RBFOX1: variants seen among roughly 807,000 people sequenced by gnomAD.
RBFOX1 encodes the protein RNA binding protein fox-1 homolog 1.
In RBFOX1, 8 loss-of-function variants were observed where a neutral mutation model predicts 57.7. The observed-to-expected ratio is 0.14, with a 90% CI of 0.08 to 0.25. The LOEUF is 0.25. RBFOX1 is among the 10% of genes least tolerant of loss of function. The pLI, the probability that RBFOX1 is intolerant of heterozygous loss-of-function variation, is 1.00. For missense variants in RBFOX1, 611 were observed against 548.5 expected (o/e 1.11, Z -1.14); for synonymous variants, 326 against 222.4 (o/e 1.47, Z -4.15).
At chr16:6,125,162 C>A (rs963456120) in intron 1 of RBFOX1, among the ~76,000 whole-genome samples, 5 of 152,152 alleles carry the variant, frequency 3.3e-5, no homozygotes, top group African/African-American at 1.2e-4. Flanking sequence ...TTGTGCAGCT[C>A]CCTGTGCATG....
At chr16:7,565,086 C>A (rs935641575) in intron 5 of RBFOX1, among the ~76,000 whole-genome samples, 1 of 152,060 alleles carries the variant, frequency 6.6e-6, no homozygotes, top group East Asian at 1.9e-4. Context: ...CTGCACGAGC[C>A]CCGTTTTGAA....
chr16:7,649,364 C>A (rs1276422693), intron 11 of RBFOX1, among the ~76,000 whole-genome samples: 3 of 152,158 alleles, frequency 2.0e-5, no homozygotes. Flanking sequence ...ATTGGGATAT[C>A]AGGACACTCC....
chr16:6,959,499 T>TTTA (rs1383384926), intron 3 of RBFOX1, among the ~76,000 whole-genome samples: 1 of 150,836 alleles, frequency 6.6e-6, no homozygotes, highest in African/African-American at 2.5e-5. Flanking sequence ...TCTTTTTTTA[T>TTTA]TTTTTATTTT....
At chr16:6,876,376 A>G (rs942620997) in intron 3 of RBFOX1, among the ~76,000 whole-genome samples, 2 of 152,034 alleles carry the variant, frequency 1.3e-5, no homozygotes, top group Admixed American at 6.6e-5. Context: ...AATACCATCC[A>G]ACCCCTGAAA....
intron 1 of RBFOX1, among the ~76,000 whole-genome samples, chr16:5,415,483 G>A (rs1216096909): frequency 6.6e-6 from 1 of 152,138 alleles, no homozygotes; most frequent in Non-Finnish European, 1.5e-5. Flanking sequence ...CGGTGATGGA[G>A]CCTTAGACCT....
intron 4 of RBFOX1, among the ~76,000 whole-genome samples, chr16:7,065,760 CCTGT>C (rs1056553839): frequency 4.9e-4 from 75 of 152,250 alleles, no homozygotes; most frequent in African/African-American, 1.7e-3. Context: ...ACTCATTCCT[CCTGT>C]CTAAGTGAAA....
At chr16:6,966,854 T>C (rs763857760) in intron 3 of RBFOX1, among the ~76,000 whole-genome samples, 3 of 151,800 alleles carry the variant, frequency 2.0e-5, no homozygotes, top group Non-Finnish European at 4.4e-5. Flanking sequence ...CATCCATCTA[T>C]CCACACATCC....
rs752616 is a variant in RBFOX1, at chr16:7,109,789, C to T, written c.27+57691C>T. On this transcript the variant is annotated intron_variant, in intron 4 of 15. Coordinates refer to ENST00000550418, the MANE Select transcript of RBFOX1 (RefSeq NM_018723.4). ...TTGAGCAATTTCATTCACTCGTTTG[C>T]TGAACAAACCTGAATTGACACCTTC... Among the ~76,000 whole-genome samples, 1,507 of 152,196 alleles carry T rather than the reference C, an allele frequency of 9.9e-3. 28 individuals carry two copies. Among genetic ancestry groups the T allele is most frequent in the African/African-American group, 0.034 (1,423 of 41,526 alleles).
chr16:6,949,954 TG>T (rs373081080), intron 3 of RBFOX1, among the ~76,000 whole-genome samples: 21,339 of 150,288 alleles, frequency 0.14, 1,858 homozygotes, highest in Non-Finnish European at 0.19. Flanking sequence ...TTGTTGTTGT[TG>T]TTGTTTTTTG....
At chr16:6,819,587 C>G (rs1470935195) in intron 3 of RBFOX1, among the ~76,000 whole-genome samples, 2 of 151,644 alleles carry the variant, frequency 1.3e-5, no homozygotes, top group Non-Finnish European at 2.9e-5. Flanking sequence ...TGCCTGTAAT[C>G]CCAGCTACTC....
At chr16:6,647,320 G>A (rs774540101) in intron 2 of RBFOX1, among the ~76,000 whole-genome samples, 27 of 152,148 alleles carry the variant, frequency 1.8e-4, no homozygotes, top group Admixed American at 8.5e-4. Context: ...CTCAGGGCTC[G>A]CTGCAACTTC....
intron 12 of RBFOX1, among the ~76,000 whole-genome samples, chr16:7,662,723 C>T (rs966616041): frequency 5.3e-5 from 8 of 152,148 alleles, no homozygotes; most frequent in Non-Finnish European, 1.0e-4. Context: ...AGGTGGGCAC[C>T]GGGTCTCAAA....
chr16:7,686,911 A>C (rs2076185284), intron 14 of RBFOX1, among the ~76,000 whole-genome samples: 1 of 152,084 alleles, frequency 6.6e-6, no homozygotes, highest in Non-Finnish European at 1.5e-5. Context: ...CTTGGGTTTG[A>C]ATTTCCAAAA....
chr16:6,296,325 C>G (rs552442354), intron 1 of RBFOX1, among the ~76,000 whole-genome samples: 21 of 152,100 alleles, frequency 1.4e-4, no homozygotes, highest in Admixed American at 5.9e-4. Context: ...GCTGGGTGAT[C>G]TTTTCTCTAG....
intron 2 of RBFOX1, among the ~76,000 whole-genome samples, chr16:5,493,538 G>T (rs939638002): frequency 6.6e-6 from 1 of 152,202 alleles, no homozygotes; most frequent in Non-Finnish European, 1.5e-5. Context: ...CGAAGTCCCT[G>T]TCCCCATTGG....
At chr16:5,734,308 AT>A (rs371376337) in intron 3 of RBFOX1, among the ~76,000 whole-genome samples, 1 of 152,100 alleles carries the variant, frequency 6.6e-6, no homozygotes, top group African/African-American at 2.4e-5. Context: ...CAAAATAGGA[AT>A]TTTTTCTACT....
chr16:7,426,909 A>C (rs2098622559), intron 4 of RBFOX1, among the ~76,000 whole-genome samples: 1 of 152,188 alleles, frequency 6.6e-6, no homozygotes, highest in Non-Finnish European at 1.5e-5. Context: ...TGTGGCAGAT[A>C]CACACCATGG....
chr16:5,754,004 A>G (rs947722881), intron 3 of RBFOX1, among the ~76,000 whole-genome samples: 5 of 152,138 alleles, frequency 3.3e-5, no homozygotes, highest in African/African-American at 9.7e-5. Flanking sequence ...CATTTTTCTA[A>G]TCTAACTCAG....
At chr16:6,652,672 C>A (rs1298782130) in intron 2 of RBFOX1, among the ~76,000 whole-genome samples, 1 of 152,056 alleles carries the variant, frequency 6.6e-6, no homozygotes, top group Admixed American at 6.5e-5. Flanking sequence ...TTTTTTATGG[C>A]ATTCCTAGCC....
Sources: gnomAD v4.1 joint callset for allele counts (sites outside exome capture counted in the v4.1 genomes callset) on GRCh38, gnomAD v4.1.1 for gene constraint, MANE v1.5 for transcripts, NCBI Gene and HGNC (gene_info 2026-07-23, HGNC 2026-07-21) for gene names.